Variants in GLYR1 observed in about 807,000 individuals in gnomAD.
The protein encoded by GLYR1 is glyoxylate reductase 1 homolog.
Under a neutral mutation model 72.7 loss-of-function variants are expected in GLYR1, and 21 were observed. The ratio of observed to expected loss-of-function variants is 0.29; its 90% CI spans 0.20 to 0.42. The LOEUF (loss-of-function observed/expected upper bound fraction) is 0.42, where lower values mean the gene tolerates loss of function less well. Ranked by LOEUF, GLYR1 falls within the 10% of genes least tolerant of loss-of-function variation. The pLI is 1.00. For missense variants in GLYR1, 594 were observed against 712.1 expected, an observed-to-expected ratio of 0.83 and a Z score of 1.89; for synonymous variants, 392 against 270.2, an observed-to-expected ratio of 1.45 and a Z score of -4.42.
intron 15 of GLYR1, 119 bp downstream of exon 15, chr16:4,811,051 G>C (rs2083297208): frequency 2.4e-6 from 3 of 1,276,006 alleles, no homozygotes; most frequent in Non-Finnish European, 3.2e-6. Flanking sequence ...GTTGCATTGA[G>C]CTGAGATCGC....
intron 2 of GLYR1, 82 bp from the exon 3 acceptor site, chr16:4,845,235 T>G: frequency 1.1e-6 from 1 of 869,882 alleles, no homozygotes; most frequent in South Asian, 1.5e-5. Context: ...TCTACAGTTC[T>G]ACGTTGCTAA....
intron 15 of GLYR1, among the ~76,000 whole-genome samples, chr16:4,810,187 C>G (rs1430634729): frequency 2.0e-5 from 3 of 151,738 alleles, no homozygotes; most frequent in Admixed American, 2.0e-4. Context: ...TAAGATTCCA[C>G]TTTAAAGGGT....
intron 2 of GLYR1, 49 bp downstream of exon 2, chr16:4,846,125 C>G (rs751135813): frequency 3.1e-6 from 5 of 1,599,530 alleles, no homozygotes; most frequent in African/African-American, 1.3e-5. Flanking sequence ...CATTCTCCAC[C>G]TCTTCAAACC....
intron 5 of GLYR1, among the ~76,000 whole-genome samples, chr16:4,827,953 G>T (rs1284740512): frequency 6.6e-6 from 1 of 151,476 alleles, no homozygotes; most frequent in Non-Finnish European, 1.5e-5. Flanking sequence ...AAGGTTTGTG[G>T]CAACCCAGTA....
chr16:4,826,944 A>G (rs938316727), intron 5 of GLYR1, among the ~76,000 whole-genome samples: 3 of 152,214 alleles, frequency 2.0e-5, no homozygotes, highest in African/African-American at 7.2e-5. Context: ...CCCAACTCCT[A>G]AACTTCTGCT....
intron 3 of GLYR1, 176 bp from the exon 4 acceptor site, chr16:4,833,088 A>AACTTGAAACAAGT: frequency 2.0e-6 from 1 of 488,412 alleles, no homozygotes; most frequent in Non-Finnish European, 3.5e-6. Context: ...TGTCTAAAGT[A>AACTTGAAACAAGT]TATTTTCTTG....
At chr16:4,807,107 C>A (rs1183181229) in intron 15 of GLYR1, among the ~76,000 whole-genome samples, 5 of 110,884 alleles carry the variant, frequency 4.5e-5, no homozygotes, top group African/African-American at 1.7e-4. Context: ...CGCCTGGCCC[C>A]TTTTTTTTTT....
At chr16:4,807,793 AAG>A (rs1186410512) in intron 15 of GLYR1, among the ~76,000 whole-genome samples, 2 of 152,362 alleles carry the variant, frequency 1.3e-5, no homozygotes, top group Non-Finnish European at 2.9e-5. Flanking sequence ...TTCATCAAAA[AAG>A]ACTTATAAAA....
Position 4,821,764 on chromosome 16 carries a change from C to T in GLYR1, c.682-167G>A. 6.2e-6 allele frequency: 4 copies of T among 645,672 alleles called. No homozygotes were observed. In the South Asian group the frequency reaches 7.2e-5, roughly 12 times the overall value. The allele number at this position is 645,672 out of a possible 1,614,324, so 40.0% of individuals were successfully genotyped here. On this transcript the variant is annotated intron_variant, in intron 7 of 15. Transcript: ENST00000321919. ...ACTAGAAAGTTCATACACATTACCT[C>T]ATTCAAGTCCCCATGCAATTCTACC...
Position 4,803,382 on chromosome 16 carries a change from G to A in GLYR1, c.*1854C>T, listed in dbSNP as rs562482464. ...AATTACCTAGATTTGTCATTTAAAG[G>A]TTTAAAGAAAAAAGGGAGGGGCTTT... On this transcript the variant is annotated 3_prime_UTR_variant, in exon 16 of 16. Coordinates refer to ENST00000321919, the MANE Select transcript of GLYR1 (RefSeq NM_032569.4). 6.5e-6 allele frequency: 1 copy of A among 152,718 alleles called. No individual in the cohort carries two copies. The highest frequency in any genetic ancestry group is 1.9e-4 in the East Asian group (1 of 5,194). 9.5% of individuals were successfully genotyped at this position (152,718 alleles called of 1,614,324 possible).
chr16:4,833,043 T>G, intron 3 of GLYR1, 131 bp from the exon 4 acceptor site: 1 of 729,334 alleles, frequency 1.4e-6, no homozygotes, highest in South Asian at 2.7e-5. Context: ...TTGCCATTTC[T>G]TTCAAAACAT....
At chr16:4,821,159 C>T (rs2083997022) in intron 9 of GLYR1, 1 of 589,602 alleles carries the variant, frequency 1.7e-6, no homozygotes, top group Admixed American at 3.0e-5. Flanking sequence ...GTTCTGGAGC[C>T]AAAAAAATCC....
chr16:4,838,392 T>A (rs370687575), intron 3 of GLYR1, among the ~76,000 whole-genome samples: 1 of 152,146 alleles, frequency 6.6e-6, no homozygotes, highest in African/African-American at 2.4e-5. Flanking sequence ...AAGATGACCC[T>A]GTGCACTTCC....
At chr16:4,819,198 T>TGGG (rs140415513) in intron 9 of GLYR1, among the ~76,000 whole-genome samples, 93 of 151,960 alleles carry the variant, frequency 6.1e-4, no homozygotes, top group Non-Finnish European at 9.6e-4. Flanking sequence ...AAAAGAGAGA[T>TGGG]GGGGGGGTCT....
chr16:4,838,720 G>C (rs952901904), intron 3 of GLYR1, among the ~76,000 whole-genome samples: 5 of 151,932 alleles, frequency 3.3e-5, no homozygotes, highest in African/African-American at 7.3e-5. Flanking sequence ...CCGAGTAGCT[G>C]GGACTACAGG....
At chr16:4,836,055 A>G (rs1453106533) in intron 3 of GLYR1, among the ~76,000 whole-genome samples, 1 of 152,038 alleles carries the variant, frequency 6.6e-6, no homozygotes, top group Non-Finnish European at 1.5e-5. Context: ...CACTTCAGCC[A>G]CCCAAAGTGC....
At chr16:4,812,021 T>C (rs889957304) in intron 13 of GLYR1, 65 bp downstream of exon 13, 2 of 1,548,728 alleles carry the variant, frequency 1.3e-6, no homozygotes, top group African/African-American at 1.4e-5. Flanking sequence ...ACTGACGCTG[T>C]CATCAGTGTG....
rs560284535 is a variant in GLYR1, at chr16:4,837,911, C to T, written c.156-4999G>A. Among the ~76,000 whole-genome samples the T allele has an allele frequency of 3.3e-5, 5 of 151,198 alleles. No homozygotes were observed. The South Asian group carries it at 1.0e-3, about 32-fold the overall frequency. The stretch of plus-strand genomic sequence containing the variant: ...GTGCCACTGCATTCCAGCCTGGCGA[C>T]AGAGCGAGACTCCATCTCAAAAAAT... On this transcript the variant is annotated intron_variant, in intron 3 of 15. Coordinates refer to ENST00000321919, the MANE Select transcript of GLYR1 (RefSeq NM_032569.4).
intron 15 of GLYR1, among the ~76,000 whole-genome samples, chr16:4,809,515 G>C (rs556461409): frequency 1.3e-5 from 2 of 151,432 alleles, no homozygotes; most frequent in African/African-American, 4.8e-5. Context: ...AGGAGGGTGA[G>C]GCAGGAGAAT....
Sources: allele counts gnomAD v4.1 joint callset (sites outside exome capture counted in the v4.1 genomes callset), GRCh38; gene constraint gnomAD v4.1.1; transcripts MANE v1.5; gene names NCBI Gene and HGNC (gene_info 2026-07-23, HGNC 2026-07-21).